COPG2: variants seen among roughly 807,000 people sequenced by gnomAD.
COPG2 encodes coat protein complex I subunit gamma 2.
A neutral mutation model predicts 46.3 loss-of-function variants in COPG2; 37 were observed. That is an observed-to-expected ratio of 0.80 (90% CI 0.61 to 1.05). The LOEUF (loss-of-function observed/expected upper bound fraction) is 1.05, where lower values mean the gene tolerates loss of function less well. COPG2 is among the 50% of genes least tolerant of loss of function. The pLI is 0.00. For synonymous variants in COPG2, 159 were observed against 129.7 expected, an observed-to-expected ratio of 1.23 and a Z score of -1.53; for missense variants, 427 against 387.8, an observed-to-expected ratio of 1.10 and a Z score of -0.85.
chr7:130,639,257 T>A (rs1795414034), intron 5 of COPG2, among the ~76,000 whole-genome samples: 1 of 152,230 alleles, frequency 6.6e-6, no homozygotes. Flanking sequence ...TCTAGAATTT[T>A]CATTTGGTTT....
At chr7:130,557,829 A>AAAAAC (rs1793653839) in intron 12 of COPG2, among the ~76,000 whole-genome samples, 2 of 147,742 alleles carry the variant, frequency 1.4e-5, no homozygotes, top group African/African-American at 4.9e-5. Flanking sequence ...AAAAAAAAAA[A>AAAAAC]AAAAAAAAAT....
intron 20 of COPG2, among the ~76,000 whole-genome samples, chr7:130,522,589 T>A (rs1016583802): frequency 1.3e-5 from 2 of 151,720 alleles, no homozygotes; most frequent in African/African-American, 4.8e-5. Flanking sequence ...AGGGCGAGTG[T>A]GGAGTAGAGA....
intron 5 of COPG2, among the ~76,000 whole-genome samples, chr7:130,646,785 T>A (rs1584606465): frequency 6.6e-6 from 1 of 151,824 alleles, no homozygotes; most frequent in African/African-American, 2.4e-5. Context: ...TTCTCTCTCT[T>A]GCCACCATGT....
chr7:130,537,088 G>A (rs1799887546), intron 20 of COPG2, among the ~76,000 whole-genome samples: 2 of 152,090 alleles, frequency 1.3e-5, no homozygotes, highest in Non-Finnish European at 2.9e-5. Context: ...GGGTGCATTC[G>A]TACCGGGGGG....
chr7:130,622,611 T>C (rs1400058987), intron 5 of COPG2, among the ~76,000 whole-genome samples: 2 of 152,098 alleles, frequency 1.3e-5, no homozygotes, highest in African/African-American at 4.8e-5. Context: ...GGAAGGTGAG[T>C]GGAACATAGT....
At chr7:130,570,017 TA>T (rs1793869063) in intron 9 of COPG2, among the ~76,000 whole-genome samples, 3 of 152,152 alleles carry the variant, frequency 2.0e-5, no homozygotes, top group Non-Finnish European at 4.4e-5. Flanking sequence ...CCTTTATGAT[TA>T]AAACCCTCAG....
intron 5 of COPG2, among the ~76,000 whole-genome samples, chr7:130,652,456 C>T (rs1554459248): frequency 6.6e-6 from 1 of 152,078 alleles, no homozygotes; most frequent in African/African-American, 2.4e-5. Context: ...TTTTTGGTTA[C>T]TAGTGAGAAC....
At chr7:130,529,554 C>T (rs1047022168) in intron 20 of COPG2, among the ~76,000 whole-genome samples, 1 of 152,070 alleles carries the variant, frequency 6.6e-6, no homozygotes, top group South Asian at 2.1e-4. Context: ...GAGGTGTCCG[C>T]AGATCTCAGG....
intron 9 of COPG2, among the ~76,000 whole-genome samples, chr7:130,595,810 C>G (rs1326668034): frequency 2.0e-5 from 3 of 152,294 alleles, no homozygotes; most frequent in East Asian, 3.9e-4. Context: ...GGGACCCCCC[C>G]CCTCCAGCCT....
intron 9 of COPG2, among the ~76,000 whole-genome samples, chr7:130,568,203 A>T (rs1793836023): frequency 6.6e-6 from 1 of 152,152 alleles, no homozygotes; most frequent in South Asian, 2.1e-4. Flanking sequence ...TGAACCTGGG[A>T]GACGGACGTT....
intron 9 of COPG2, chr7:130,607,906 T>C (rs1794766303): frequency 2.1e-6 from 1 of 485,444 alleles, no homozygotes; most frequent in African/African-American, 2.0e-5. Context: ...TTCCCTCCAG[T>C]TTTTGCTTGC....
chr7:130,634,765 A>T (rs1340264781), intron 5 of COPG2, among the ~76,000 whole-genome samples: 3 of 152,074 alleles, frequency 2.0e-5, no homozygotes, highest in Non-Finnish European at 4.4e-5. Context: ...GAGTGGTGAG[A>T]GAGGGCATCC....
chr7:130,622,099 T>C (rs1288901943), intron 5 of COPG2, among the ~76,000 whole-genome samples: 2 of 152,090 alleles, frequency 1.3e-5, no homozygotes, highest in African/African-American at 2.4e-5. Flanking sequence ...TTTAGGAAGG[T>C]GTTCAGACGG....
intron 5 of COPG2, among the ~76,000 whole-genome samples, chr7:130,626,367 A>T (rs1257880280): frequency 6.6e-6 from 1 of 150,610 alleles, no homozygotes; most frequent in Non-Finnish European, 1.5e-5. Flanking sequence ...GAGAGATGTC[A>T]GCCTCCCGAG....
Position 130,613,578 on chromosome 7 carries a change from G to T in COPG2, c.458C>A (p.Ser153Tyr), listed in dbSNP as rs1794895688. The T allele has an allele frequency of 6.2e-7, 1 of 1,601,454 alleles. No individual in the cohort carries two copies. Among genetic ancestry groups the T allele is most frequent in the Non-Finnish European group, 8.5e-7 (1 of 1,173,162 alleles). The change falls in exon 7 of 24, where the codon TCC becomes TAC. Residue 153 changes from serine to tyrosine, a missense_variant. Ser to Tyr is a moderately radical substitution (Grantham distance 144). Transcript: ENST00000425248. ...TACCAGTGCTGAACTGGATACACTG[G>T]AAACTTTATCCACAATGGCCTGCTT... ...YMKQAIVDKV[S>Y]SVSSSALVSS...
At chr7:130,621,030 C>A (rs1795030429) in intron 5 of COPG2, among the ~76,000 whole-genome samples, 1 of 152,062 alleles carries the variant, frequency 6.6e-6, no homozygotes, top group Non-Finnish European at 1.5e-5. Context: ...TGGGTGAGTC[C>A]TAAATGTAAT....
rs532292036 is a variant in COPG2 at position 130,577,774 on chromosome 7, A to AC, written c.738-13382_738-13381insG. Among the ~76,000 whole-genome samples, 67 of 150,308 alleles carry AC rather than the reference A, an allele frequency of 4.5e-4. No individual in the cohort carries two copies. The East Asian group carries it at 6.1e-3, about 14-fold the overall frequency. ...CAGAGCGAGACTCCGTCTCAAAAAA[A>AC]AAAAAAAAAAAAAACAAAAAAAAAA... On this transcript the variant is annotated intron_variant, in intron 9 of 23. Transcript: ENST00000425248.
At chr7:130,531,556 G>C (rs1799825168) in intron 20 of COPG2, among the ~76,000 whole-genome samples, 1 of 152,018 alleles carries the variant, frequency 6.6e-6, no homozygotes, top group African/African-American at 2.4e-5. Context: ...GGCACAAAGG[G>C]TGGGGTGGGA....
At chr7:130,508,858 C>A (rs1463898708) in intron 20 of COPG2, among the ~76,000 whole-genome samples, 199 bp from the exon 21 acceptor site, 4 of 152,120 alleles carry the variant, frequency 2.6e-5, no homozygotes, top group African/African-American at 9.7e-5. Flanking sequence ...AAAGTCTATT[C>A]CACGCTGTGG....
Sources: gnomAD v4.1 joint callset for allele counts (sites outside exome capture counted in the v4.1 genomes callset) on GRCh38, gnomAD v4.1.1 for gene constraint, MANE v1.5 for transcripts, NCBI Gene and HGNC (gene_info 2026-07-23, HGNC 2026-07-21) for gene names.